Variants in FAM83F observed in about 807,000 individuals in gnomAD.
The protein encoded by FAM83F is scaffolding CK1 anchoring protein F, also known as protein FAM83F.
Under a neutral mutation model 42.9 loss-of-function variants are expected in FAM83F, and 45 were observed. That is an observed-to-expected ratio of 1.05 (90% CI 0.83 to 1.35). FAM83F has a LOEUF of 1.35. Among genes scored for constraint, FAM83F ranks in the 40% most tolerant of loss-of-function variants. The pLI, the probability that FAM83F is intolerant of heterozygous loss-of-function variation, is 0.00. For synonymous variants in FAM83F, 306 were observed against 298.3 expected (o/e 1.03, Z -0.27); for missense variants, 617 against 695.9 (o/e 0.89, Z 1.28).
In FAM83F at chr22:40,042,782, A is replaced by G. The variant is rs1021249375; in HGVS notation, c.*13217A>G. The G allele has an allele frequency of 6.6e-6, 1 of 152,254 alleles. No individual in the cohort carries two copies. Among genetic ancestry groups the G allele is most frequent in the Non-Finnish European group, 1.5e-5 (1 of 68,036 alleles). The allele number at this position is 152,254 out of a possible 1,614,324, so 9.4% of individuals were successfully genotyped here. ...AGAAACCATCTGCTTCAAGGTACTTACAACTGAAATGTATCAAACAATTAC... is the reference window on the plus strand; with the variant it reads ...AGAAACCATCTGCTTCAAGGTACTTGCAACTGAAATGTATCAAACAATTAC... On this transcript the variant is annotated 3_prime_UTR_variant, in exon 5 of 5. Transcript: ENST00000333407.
At chr22:40,008,996 C>G (rs940889091) in intron 1 of FAM83F, among the ~76,000 whole-genome samples, 5 of 152,218 alleles carry the variant, frequency 3.3e-5, no homozygotes, top group African/African-American at 1.2e-4. Context: ...TGCTCAGCTG[C>G]TGTCCTTTCC....
rs990422836 is a variant in FAM83F at position 39,994,955 on chromosome 22, C to T, written c.-88C>T. 2.6e-6 allele frequency: 3 copies of T among 1,156,354 alleles called. No individual in the cohort carries two copies. Among genetic ancestry groups the T allele is most frequent in the Admixed American group, 9.1e-5 (2 of 21,954 alleles). The allele number at this position is 1,156,354 out of a possible 1,614,324, so 71.6% of individuals were successfully genotyped here. On this transcript the variant is annotated 5_prime_UTR_variant, in exon 1 of 5. Coordinates refer to ENST00000333407, the MANE Select transcript of FAM83F (RefSeq NM_138435.4). ...GCAGAGCTCGCGGCCAGGTGAGGCG[C>T]CCCGCCCCTCGGCGGCTCCAGGTGC...
intron 4 of FAM83F, among the ~76,000 whole-genome samples, chr22:40,022,597 T>C (rs966815014): frequency 2.0e-5 from 3 of 152,148 alleles, no homozygotes; most frequent in East Asian, 1.9e-4. Context: ...CTGGGTGGGA[T>C]TGTTCCATGG....
At chr22:40,004,255 C>T (rs1478591208) in intron 1 of FAM83F, among the ~76,000 whole-genome samples, 1 of 110,944 alleles carries the variant, frequency 9.0e-6, no homozygotes, top group African/African-American at 3.4e-5. Context: ...AGGCAAATGC[C>T]AGCCCTTTTA....
chr22:40,020,713 C>A (rs2067515034), intron 3 of FAM83F, among the ~76,000 whole-genome samples: 1 of 152,094 alleles, frequency 6.6e-6, no homozygotes, highest in African/African-American at 2.4e-5. Flanking sequence ...TCTGTGTAAT[C>A]TCTGCCCTCC....
intron 4 of FAM83F, among the ~76,000 whole-genome samples, chr22:40,022,651 G>A (rs1483372510): frequency 6.6e-6 from 1 of 152,184 alleles, no homozygotes; most frequent in Non-Finnish European, 1.5e-5. Flanking sequence ...AGGAGGCCCT[G>A]GACTTTATGT....
At chr22:40,022,583 G>A (rs2067529073) in intron 4 of FAM83F, among the ~76,000 whole-genome samples, 1 of 152,094 alleles carries the variant, frequency 6.6e-6, no homozygotes, top group Non-Finnish European at 1.5e-5. Context: ...CCAGCTGCTT[G>A]TCCCTGGGTG....
chr22:40,023,865 G>A lies in FAM83F; in HGVS notation c.1453+1902G>A, dbSNP rs942101849. 1.3e-5 allele frequency among the ~76,000 whole-genome samples: 2 copies of A among 152,164 alleles called. No homozygotes were observed. Among genetic ancestry groups the A allele is most frequent in the African/African-American group, 4.8e-5 (2 of 41,436 alleles). On this transcript the variant is annotated intron_variant, in intron 4 of 4. Transcript: ENST00000333407. The surrounding 1 kb of genome is among the most constrained non-coding windows in gnomAD (Gnocchi z 4.1). ...GGAACCATCATCCCGTTCCTTGTCCGTCCTTTAGACGAACACAGAGCAGCC... is the reference window on the plus strand; with the variant it reads ...GGAACCATCATCCCGTTCCTTGTCCATCCTTTAGACGAACACAGAGCAGCC...
In FAM83F at chr22:40,035,628, A is replaced by G. The variant is rs986425683; in HGVS notation, c.*6063A>G. ...CATGACCTTGGCGGGGGCGCATGGCATAGAGAGGACAGGCTTCAGAACAGG... is the reference window on the plus strand; with the variant it reads ...CATGACCTTGGCGGGGGCGCATGGCGTAGAGAGGACAGGCTTCAGAACAGG... On this transcript the variant is annotated 3_prime_UTR_variant, in exon 5 of 5. Coordinates refer to ENST00000333407, the MANE Select transcript of FAM83F (RefSeq NM_138435.4). The G allele has an allele frequency of 2.0e-5, 3 of 152,258 alleles. No homozygotes were observed. The highest frequency in any genetic ancestry group is 4.4e-5 in the Non-Finnish European group (3 of 68,070). The allele number at this position is 152,258 out of a possible 1,614,324, so 9.4% of individuals were successfully genotyped here. A position where few individuals can be genotyped will look rare whatever the true frequency, so the allele number is the denominator to read the frequency against.
chr22:40,025,140 C>T (rs2067544501), intron 4 of FAM83F, among the ~76,000 whole-genome samples: 1 of 152,208 alleles, frequency 6.6e-6, no homozygotes, highest in Non-Finnish European at 1.5e-5. Flanking sequence ...TGCAACGAGG[C>T]CAGGCGCGGT....
chr22:40,022,877 C>T (rs1569235405), intron 4 of FAM83F, among the ~76,000 whole-genome samples: 1 of 152,204 alleles, frequency 6.6e-6, no homozygotes, highest in Non-Finnish European at 1.5e-5. Flanking sequence ...AGGACTCCTG[C>T]ATTCCTGCAC....
Position 39,995,507 on chromosome 22 carries a change from G to T in FAM83F, c.465G>T (p.Arg155Ser). Reference protein sequence around the residue: ...EKAPHLKQVVRQMIQQAQKVI... With the variant: ...EKAPHLKQVVSQMIQQAQKVI... ...CGCCGCACCTCAAGCAGGTGGTCAG[G>T]CAGATGATCCAACAGGCCCAGAAGG... Residue 155 changes from arginine (R) to serine (S), a missense_variant, in exon 1 of 5, where the codon AGG becomes AGT. Arg to Ser is a moderately radical substitution (Grantham distance 110). Coordinates refer to ENST00000333407, the MANE Select transcript of FAM83F (RefSeq NM_138435.4). The surrounding 1 kb of genome is among the most constrained non-coding windows in gnomAD (Gnocchi z 4.6). 1 of 1,574,848 alleles carries T rather than the reference G, an allele frequency of 6.3e-7. No homozygotes were observed. The highest frequency in any genetic ancestry group is 8.6e-7 in the Non-Finnish European group (1 of 1,159,208).
rs963735586 is a variant in FAM83F, at chr22:40,035,943, G to A, written c.*6378G>A. On this transcript the variant is annotated 3_prime_UTR_variant, in exon 5 of 5. Transcript: ENST00000333407. Reference sequence around the variant, plus strand: ...AAATTTACCACTTTCATATTGAATCGTTGGCACACAGGGCTAACTGCTTGT... The same window carrying A: ...AAATTTACCACTTTCATATTGAATCATTGGCACACAGGGCTAACTGCTTGT... 3 of 152,108 alleles carry A rather than the reference G, an allele frequency of 2.0e-5. No homozygotes were observed. The highest frequency in any genetic ancestry group is 4.8e-5 in the African/African-American group (2 of 41,404). The allele number at this position is 152,108 out of a possible 1,614,324, so 9.4% of individuals were successfully genotyped here. A position where few individuals can be genotyped will look rare whatever the true frequency, so the allele number is the denominator to read the frequency against.
At chr22:40,003,354 C>G (rs542620206) in intron 1 of FAM83F, among the ~76,000 whole-genome samples, 3 of 152,240 alleles carry the variant, frequency 2.0e-5, no homozygotes, top group South Asian at 4.1e-4. Context: ...ACTGTCAGTC[C>G]CCCCATCTTC....
intron 1 of FAM83F, among the ~76,000 whole-genome samples, chr22:40,002,038 C>CCGAGCTGCCTT (rs201886713): frequency 0.011 from 1,670 of 152,296 alleles, 26 homozygotes; most frequent in African/African-American, 0.038. Context: ...CTGCCGGCCT[C>CCGAGCTGCCTT]CGAGCTGCCT....
chr22:39,998,311 G>T (rs530236525), intron 1 of FAM83F, among the ~76,000 whole-genome samples: 1 of 152,338 alleles, frequency 6.6e-6, no homozygotes, highest in Admixed American at 6.5e-5. Context: ...CTGTGTGCCA[G>T]AGTTTTGCAT....
chr22:40,004,539 G>A (rs966057911), intron 1 of FAM83F, among the ~76,000 whole-genome samples: 1 of 152,050 alleles, frequency 6.6e-6, no homozygotes, highest in Non-Finnish European at 1.5e-5. Flanking sequence ...CTGACTTCAG[G>A]TGATCCACCC....
In FAM83F at chr22:40,027,343, G is replaced by A. The variant is rs182039879; in HGVS notation, c.1454-2173G>A. Among the ~76,000 whole-genome samples the A allele has an allele frequency of 2.8e-3, 425 of 152,044 alleles. 1 individual carries two copies. Among genetic ancestry groups the A allele is most frequent in the African/African-American group, 1.0e-2 (413 of 41,446 alleles). On this transcript the variant is annotated intron_variant, in intron 4 of 4. Coordinates refer to ENST00000333407, the MANE Select transcript of FAM83F (RefSeq NM_138435.4). ...GGTGACCTCTGCCTCCCTCTCTCCC[G>A]CACCACCTCACCTGCCAGCAAACCA...
intron 1 of FAM83F, among the ~76,000 whole-genome samples, chr22:40,007,594 TCTC>T (rs1349752960): frequency 4.3e-5 from 2 of 47,034 alleles, no homozygotes; most frequent in Admixed American, 2.1e-4. Context: ...CCTCCTCTCT[TCTC>T]CTCCTCCTCT....
Sources: allele counts gnomAD v4.1 joint callset (sites outside exome capture counted in the v4.1 genomes callset), GRCh38; gene constraint gnomAD v4.1.1; non-coding constraint Gnocchi (gnomAD v3.1); transcripts MANE v1.5; gene names NCBI Gene and HGNC (gene_info 2026-07-23, HGNC 2026-07-21).